The following ARMC9 variants were observed in gnomAD, a reference collection of about 807,000 sequenced individuals.
ARMC9 encodes lisH domain-containing protein ARMC9.
In ARMC9, 94 loss-of-function variants were observed where a neutral mutation model predicts 107.0. The ratio of observed to expected loss-of-function variants is 0.88; its 90% CI spans 0.74 to 1.04. ARMC9 has a LOEUF of 1.04. ARMC9 is among the 50% of genes least tolerant of loss of function. The pLI is 0.00. For synonymous variants in ARMC9, 380 were observed against 396.9 expected (o/e 0.96, Z 0.51); for missense variants, 942 against 1,030.1 (o/e 0.91, Z 1.17).
intron 3 of ARMC9, among the ~76,000 whole-genome samples, chr2:231,211,081 ATTTCC>A (rs1418579920): frequency 1.3e-5 from 2 of 152,142 alleles, no homozygotes; most frequent in Non-Finnish European, 2.9e-5. Flanking sequence ...GTATGACAAG[ATTTCC>A]TTTCCTTTTA....
chr2:231,283,171 C>T (rs912421426), intron 17 of ARMC9, among the ~76,000 whole-genome samples: 4 of 151,966 alleles, frequency 2.6e-5, no homozygotes, highest in African/African-American at 9.7e-5. Flanking sequence ...AGAAAAAAGA[C>T]GGAAGAGAGG....
chr2:231,262,233 A>G, intron 11 of ARMC9, 73 bp from the exon 12 acceptor site: 2 of 1,410,094 alleles, frequency 1.4e-6, no homozygotes. Context: ...GCCATCTAAA[A>G]CACACCTGCT....
intron 9 of ARMC9, among the ~76,000 whole-genome samples, chr2:231,240,938 C>A (rs1028715775): frequency 6.6e-6 from 1 of 152,114 alleles, no homozygotes; most frequent in Non-Finnish European, 1.5e-5. Flanking sequence ...TGGCTCACAC[C>A]TGTAATATTC....
intron 20 of ARMC9, among the ~76,000 whole-genome samples, chr2:231,333,955 G>T (rs1374818155): frequency 1.3e-5 from 2 of 152,242 alleles, no homozygotes; most frequent in African/African-American, 2.4e-5. Context: ...GGTGCAGAAC[G>T]TGGTGAGACT....
chr2:231,311,384 C>G (rs1036984509), intron 19 of ARMC9, among the ~76,000 whole-genome samples: 1 of 152,038 alleles, frequency 6.6e-6, no homozygotes, highest in African/African-American at 2.4e-5. Flanking sequence ...GTGTGGTTCT[C>G]CAGAGGCTCC....
Position 231,259,048 on chromosome 2 carries a change from T to C in ARMC9, c.972T>C (p.Asp324=). 6.2e-7 allele frequency: 1 copy of C among 1,614,100 alleles called. No homozygotes were observed. Among genetic ancestry groups the C allele is most frequent in the Non-Finnish European group, 8.5e-7 (1 of 1,179,998 alleles). Residue 324 remains aspartate (D), a synonymous_variant, in exon 11 of 25, where the codon GAT becomes GAC. Coordinates refer to ENST00000611582, the MANE Select transcript of ARMC9 (RefSeq NM_001352754.2). Reference sequence around the variant, plus strand: ...TGGATTATGAGAAACTGAAGAAGGATTTGATTTTGGGGAGTGACCGCTTGA... The same window carrying C: ...TGGATTATGAGAAACTGAAGAAGGACTTGATTTTGGGGAGTGACCGCTTGA... ...PSLDYEKLKK[D]LILGSDRLKA... is the part of the protein sequence containing the mutation.
intron 9 of ARMC9, among the ~76,000 whole-genome samples, chr2:231,247,105 G>A (rs193232120): frequency 2.6e-5 from 4 of 152,110 alleles, no homozygotes; most frequent in African/African-American, 9.6e-5. Flanking sequence ...ACAGGCTCCC[G>A]CCACCATGCC....
At chr2:231,291,525 G>C in intron 18 of ARMC9, 82 bp downstream of exon 18, 1 of 1,433,342 alleles carries the variant, frequency 7.0e-7, no homozygotes, top group Non-Finnish European at 9.7e-7. Context: ...TCATTCAAGA[G>C]GCCTTTAGGA....
Position 231,282,833 on chromosome 2 carries a change from C to T in ARMC9, c.1626+700C>T, listed in dbSNP as rs185433772. ...TTATTTAAGAACCATTCTATGTGAT[C>T]ACACTAAACAGTGGACCTTAATTGC... On this transcript the variant is annotated intron_variant, in intron 17 of 24. Transcript: ENST00000611582. Among the ~76,000 whole-genome samples, 88 of 152,326 alleles carry T rather than the reference C, an allele frequency of 5.8e-4. 1 individual carries two copies. The highest frequency in any genetic ancestry group is 2.0e-3 in the African/African-American group (82 of 41,580).
At chr2:231,232,827 C>T (rs2035361533) in intron 7 of ARMC9, among the ~76,000 whole-genome samples, 1 of 151,954 alleles carries the variant, frequency 6.6e-6, no homozygotes, top group African/African-American at 2.4e-5. Flanking sequence ...AATTCATTAT[C>T]ATTGATATTT....
chr2:231,244,215 T>A (rs933548154), intron 9 of ARMC9, among the ~76,000 whole-genome samples: 11 of 152,316 alleles, frequency 7.2e-5, no homozygotes, highest in East Asian at 1.9e-4. Context: ...ACTTACTCAC[T>A]GTTAAAAATT....
chr2:231,296,190 CT>C lies in ARMC9; in HGVS notation c.1718-5del, dbSNP rs749606514. ...TCCATTATTCATTGATTCTTTTTTT[CT>C]TTATAGAAGAGCTACCAGATGGTGT... On this transcript the variant is annotated splice_polypyrimidine_tract_variant and splice_region_variant and intron_variant, in intron 18 of 24. Transcript: ENST00000611582. 3 of 1,605,818 alleles carry C rather than the reference CT, an allele frequency of 1.9e-6. No homozygotes were observed. The highest frequency in any genetic ancestry group is 2.6e-6 in the Non-Finnish European group (3 of 1,175,944).
intron 19 of ARMC9, among the ~76,000 whole-genome samples, chr2:231,328,456 G>A (rs796773843): frequency 1.3e-5 from 2 of 152,252 alleles, no homozygotes; most frequent in African/African-American, 2.4e-5. Flanking sequence ...TTCTAAAAAT[G>A]TGTTAGTTTT....
rs1325020603 is a variant in ARMC9, at chr2:231,331,870, G to A, written c.1851G>A (p.Glu617=). Residue 617 remains glutamate, a synonymous_variant, in exon 20 of 25, where the codon GAG becomes GAA. Coordinates refer to ENST00000611582, the MANE Select transcript of ARMC9 (RefSeq NM_001352754.2). ...CCCAGCTCGGAGAACTCTCAGGAGA[G>A]AAGCTTCTGACCACGGAGTACCTGG... ...IQPQLGELSG[E]KLLTTEYLGI... 6.2e-7 allele frequency: 1 copy of A among 1,613,900 alleles called. No individual in the cohort carries two copies. Among genetic ancestry groups the A allele is most frequent in the Non-Finnish European group, 8.5e-7 (1 of 1,179,852 alleles).
At chr2:231,264,130 T>C (rs2038635280) in intron 12 of ARMC9, among the ~76,000 whole-genome samples, 1 of 152,218 alleles carries the variant, frequency 6.6e-6, no homozygotes, top group African/African-American at 2.4e-5. Flanking sequence ...TCTATAGCCA[T>C]TGAAGAGAGT....
chr2:231,203,109 C>T lies in ARMC9; in HGVS notation c.-41-3089C>T, dbSNP rs1018427301. ...AGTCCCTCCCAGGTTTGAAATAAAC[C>T]TGTTGACTGTCGAGCCACCCTTCGT... On this transcript the variant is annotated intron_variant, in intron 1 of 24. Coordinates refer to ENST00000611582, the MANE Select transcript of ARMC9 (RefSeq NM_001352754.2). Among the ~76,000 whole-genome samples the T allele has an allele frequency of 1.2e-4, 18 of 152,110 alleles. 1 individual carries two copies. Among genetic ancestry groups the T allele is most frequent in the Admixed American group, 9.8e-4 (15 of 15,262 alleles).
chr2:231,317,393 A>T (rs2042760443), intron 19 of ARMC9, among the ~76,000 whole-genome samples: 1 of 152,150 alleles, frequency 6.6e-6, no homozygotes, highest in African/African-American at 2.4e-5. Context: ...CTGGTCTCGA[A>T]CACCCGACCT....
chr2:231,317,176 CTT>C (rs957991111), intron 19 of ARMC9, among the ~76,000 whole-genome samples: 3 of 145,946 alleles, frequency 2.1e-5, no homozygotes, highest in Middle Eastern at 3.4e-3. Flanking sequence ...GTTCATGGAA[CTT>C]TTTTTTTTTT....
At chr2:231,232,025 CT>C (rs575702443) in intron 7 of ARMC9, among the ~76,000 whole-genome samples, 2,988 of 121,574 alleles carry the variant, frequency 0.025, 84 homozygotes, top group African/African-American at 0.087. Context: ...TAACACATTC[CT>C]TTTTTTTTTT....
Sources: allele counts gnomAD v4.1 joint callset (sites outside exome capture counted in the v4.1 genomes callset), GRCh38; gene constraint gnomAD v4.1.1; transcripts MANE v1.5; gene names NCBI Gene and HGNC (gene_info 2026-07-23, HGNC 2026-07-21).